YEATS2: variants seen among roughly 807,000 people sequenced by gnomAD.
YEATS2 encodes the protein YEATS domain containing 2.
In YEATS2, 77 loss-of-function variants were observed where a neutral mutation model predicts 163.2. The observed-to-expected ratio is 0.47, with a 90% CI of 0.39 to 0.57. YEATS2 has a LOEUF of 0.57. YEATS2 is among the 20% of genes least tolerant of loss of function. The pLI is 0.00. For synonymous variants in YEATS2, 631 were observed against 645.1 expected, an observed-to-expected ratio of 0.98 and a Z score of 0.33; for missense variants, 1,549 against 1,729.8, an observed-to-expected ratio of 0.90 and a Z score of 1.85.
intron 1 of YEATS2, among the ~76,000 whole-genome samples, chr3:183,702,665 C>T (rs1471519224): frequency 6.6e-6 from 1 of 151,788 alleles, no homozygotes; most frequent in African/African-American, 2.4e-5. Flanking sequence ...GGTGAAACCC[C>T]GTCTCTACTA....
At chr3:183,737,565 T>C (rs1718476109) in intron 8 of YEATS2, among the ~76,000 whole-genome samples, 1 of 152,244 alleles carries the variant, frequency 6.6e-6, no homozygotes, top group African/African-American at 2.4e-5. Flanking sequence ...GTTACTGAAA[T>C]CTTTTTTAAA....
Position 183,807,038 on chromosome 3 carries a change from G to A in YEATS2, c.3957G>A (p.Lys1319=). Reference sequence around the variant, plus strand: ...AGGAAGAGAAACAAGAGGAAGTCAAGTTCTACCTGCCACCAACCCCAGGGT... The same window carrying A: ...AGGAAGAGAAACAAGAGGAAGTCAAATTCTACCTGCCACCAACCCCAGGGT... ...KEQEEKQEEV[K]FYLPPTPGSE... Residue 1319 remains lysine, a synonymous_variant, in exon 28 of 31, where the codon AAG becomes AAA. Coordinates refer to ENST00000305135, the MANE Select transcript of YEATS2 (RefSeq NM_018023.5). The A allele has an allele frequency of 1.2e-6, 2 of 1,614,140 alleles. No individual in the cohort carries two copies. The highest frequency in any genetic ancestry group is 1.7e-6 in the Non-Finnish European group (2 of 1,180,032).
intron 15 of YEATS2, among the ~76,000 whole-genome samples, chr3:183,763,087 G>A (rs1181260907): frequency 4.1e-5 from 6 of 147,622 alleles, no homozygotes; most frequent in African/African-American, 1.5e-4. Context: ...AAAAAAAATA[G>A]CACATAGAGC....
intron 1 of YEATS2, among the ~76,000 whole-genome samples, chr3:183,706,993 A>C (rs1714684518): frequency 2.6e-5 from 4 of 152,222 alleles, no homozygotes; most frequent in African/African-American, 7.2e-5. Flanking sequence ...GAATTATTTA[A>C]AATGTTGTAT....
At chr3:183,765,327 A>AT (rs1320183835) in intron 15 of YEATS2, among the ~76,000 whole-genome samples, 2 of 152,152 alleles carry the variant, frequency 1.3e-5, no homozygotes, top group African/African-American at 4.8e-5. Context: ...GTTCGTTTCC[A>AT]TTTTTTGCCG....
In YEATS2 at chr3:183,800,694, C is replaced by T. The variant is rs534152450; in HGVS notation, c.3428+126C>T. ...CTTGACGGGAGGAACTGTCTGTCCC[C>T]GTGCAGTGGACAAGTGTTACCACTT... On this transcript the variant is annotated intron_variant, in intron 24 of 30. Coordinates refer to ENST00000305135, the MANE Select transcript of YEATS2 (RefSeq NM_018023.5). 29 of 710,194 alleles carry T rather than the reference C, an allele frequency of 4.1e-5. No homozygotes were observed. The African/African-American group carries it at 4.5e-4, about 11-fold the overall frequency. 44.0% of individuals were successfully genotyped at this position (710,194 alleles called of 1,614,324 possible). A position where few individuals can be genotyped will look rare whatever the true frequency, so the allele number is the denominator to read the frequency against.
chr3:183,711,807 A>G (rs950181239), intron 1 of YEATS2, among the ~76,000 whole-genome samples: 2 of 147,788 alleles, frequency 1.4e-5, no homozygotes, highest in Non-Finnish European at 3.0e-5. Flanking sequence ...GGACTTTTAA[A>G]TAGTGTGTTT....
chr3:183,760,725 T>A (rs557747120), intron 13 of YEATS2, among the ~76,000 whole-genome samples: 1 of 152,238 alleles, frequency 6.6e-6, no homozygotes, highest in African/African-American at 2.4e-5. Context: ...TATTGAAAAT[T>A]TTTCCTTTGT....
In YEATS2 at chr3:183,806,686, C is replaced by T. The variant is rs1207948021; in HGVS notation, c.3785-180C>T. 7 of 623,990 alleles carry T rather than the reference C, an allele frequency of 1.1e-5. No homozygotes were observed. The Admixed American group carries it at 2.1e-4, about 18-fold the overall frequency. The allele number at this position is 623,990 out of a possible 1,614,324, so 38.7% of individuals were successfully genotyped here. ...CACACACAAGATGCCTGTGTTTATGCCTTTCTCCCTCGTGAATTACTAGTT... is the reference window on the plus strand; with the variant it reads ...CACACACAAGATGCCTGTGTTTATGTCTTTCTCCCTCGTGAATTACTAGTT... On this transcript the variant is annotated intron_variant, in intron 27 of 30. Transcript: ENST00000305135.
intron 26 of YEATS2, 21 bp downstream of exon 26, chr3:183,803,356 C>T (rs774332236): frequency 5.0e-6 from 8 of 1,601,664 alleles, no homozygotes; most frequent in Non-Finnish European, 6.0e-6. Context: ...TCTGCCTGTC[C>T]ACTCTGGCTG....
chr3:183,700,061 A>AT (rs199673544), intron 1 of YEATS2, among the ~76,000 whole-genome samples: 2,805 of 152,016 alleles, frequency 0.018, 94 homozygotes, highest in East Asian at 0.15. Flanking sequence ...ATGTTTGAAC[A>AT]TTTTTTTCCC....
At chr3:183,732,243 G>A (rs1383785535) in intron 7 of YEATS2, among the ~76,000 whole-genome samples, 5 of 151,858 alleles carry the variant, frequency 3.3e-5, no homozygotes, top group East Asian at 2.0e-4. Flanking sequence ...GAGATCAGGC[G>A]TTTGAGACCA....
chr3:183,709,314 T>C lies in YEATS2; in HGVS notation c.-19-5830T>C, dbSNP rs563862267. On this transcript the variant is annotated intron_variant, in intron 1 of 30. Coordinates refer to ENST00000305135, the MANE Select transcript of YEATS2 (RefSeq NM_018023.5). The stretch of plus-strand genomic sequence containing the variant: ...TGTGTTACTTATGGAAAAAATCATT[T>C]ATTTTCTATATTTAAATTGAAAGCA... 2.0e-5 allele frequency among the ~76,000 whole-genome samples: 3 copies of C among 152,332 alleles called. No individual in the cohort carries two copies. The East Asian group carries it at 5.8e-4, about 29-fold the overall frequency.
intron 9 of YEATS2, among the ~76,000 whole-genome samples, chr3:183,748,335 ACCT>A (rs1006189266): frequency 4.1e-5 from 6 of 147,314 alleles, no homozygotes; most frequent in African/African-American, 1.5e-4. Flanking sequence ...GCTCACTGCA[ACCT>A]CCTCCTGGGT....
At chr3:183,768,197 A>G (rs1188474619) in intron 15 of YEATS2, among the ~76,000 whole-genome samples, 1 of 152,110 alleles carries the variant, frequency 6.6e-6, no homozygotes, top group Non-Finnish European at 1.5e-5. Flanking sequence ...TTGCTCTGAC[A>G]TTCTCAAAAT....
At chr3:183,808,188 C>A in intron 29 of YEATS2, 84 bp downstream of exon 29, 1 of 1,099,436 alleles carries the variant, frequency 9.1e-7, no homozygotes. Context: ...AGAAAAGGAA[C>A]AAAGATAACA....
intron 29 of YEATS2, chr3:183,808,661 G>C (rs371991990): frequency 1.7e-3 from 302 of 178,308 alleles, no homozygotes; most frequent in African/African-American, 4.4e-3. Context: ...TTGGAGACCA[G>C]CCTGGCCAAC....
Position 183,754,235 on chromosome 3 carries a change from T to G in YEATS2, c.1260T>G (p.Cys420Trp), listed in dbSNP as rs770124966. ...CTACATCCCAGAAAGTTACCTTTTGTTCCCATGGCAATTCAGCTTTCCAGC... is the reference window on the plus strand; with the variant it reads ...CTACATCCCAGAAAGTTACCTTTTGGTCCCATGGCAATTCAGCTTTCCAGC... ...KMTTSQKVTFCSHGNSAFQPI... is the reference protein window; with the variant it reads ...KMTTSQKVTFWSHGNSAFQPI... The change falls in exon 11 of 31, where the codon TGT becomes TGG. Residue 420 changes from cysteine (C) to tryptophan (W), a missense_variant. Coordinates refer to ENST00000305135, the MANE Select transcript of YEATS2 (RefSeq NM_018023.5). 8 of 1,614,012 alleles carry G rather than the reference T, an allele frequency of 5.0e-6. No individual in the cohort carries two copies. The highest frequency in any genetic ancestry group is 6.8e-6 in the Non-Finnish European group (8 of 1,180,000).
rs146705467 is a variant in YEATS2, at chr3:183,775,955, C to CGGAGGA, written c.2433_2438dup (p.Gly813_Gly814dup). On this transcript the variant is annotated inframe_insertion, in exon 18 of 31. Coordinates refer to ENST00000305135, the MANE Select transcript of YEATS2 (RefSeq NM_018023.5). ...CAGCTGCCAGTGGTGGGAGTGGTGCCGGAGGAGGAGGAGGAGGAGGAGGAG... is the reference window on the plus strand; with the variant it reads ...CAGCTGCCAGTGGTGGGAGTGGTGCCGGAGGAGGAGGAGGAGGAGGAGGAGGAGGAG... 2.3e-5 allele frequency: 37 copies of CGGAGGA among 1,582,068 alleles called. No individual in the cohort carries two copies. The highest frequency in any genetic ancestry group is 2.0e-4 in the Middle Eastern group (1 of 4,978).
Sources: allele counts gnomAD v4.1 joint callset (sites outside exome capture counted in the v4.1 genomes callset), GRCh38; gene constraint gnomAD v4.1.1; transcripts MANE v1.5; gene names NCBI Gene and HGNC (gene_info 2026-07-23, HGNC 2026-07-21).